Variants in CCDC88C observed in about 807,000 individuals in gnomAD.
CCDC88C encodes the protein coiled-coil and HOOK domain protein 88C.
A neutral mutation model predicts 198.8 loss-of-function variants in CCDC88C; 131 were observed. The ratio of observed to expected loss-of-function variants is 0.66; its 90% CI spans 0.57 to 0.76. The LOEUF (loss-of-function observed/expected upper bound fraction) is 0.76. CCDC88C is among the 30% of genes least tolerant of loss of function. The probability of loss-of-function intolerance (pLI) is 0.00; values close to 1 mark genes in which losing one functional copy is unlikely to be tolerated. For missense variants in CCDC88C, 2,553 were observed against 2,631.6 expected (o/e 0.97, Z 0.65); for synonymous variants, 1,166 against 1,114.7 (o/e 1.05, Z -0.92).
At chr14:91,411,822 ACATGGTGG>A (rs1255231961) in intron 2 of CCDC88C, among the ~76,000 whole-genome samples, 1 of 151,996 alleles carries the variant, frequency 6.6e-6, no homozygotes, top group Non-Finnish European at 1.5e-5. Context: ...AATTAGCCAG[ACATGGTGG>A]CATGCGCCTG....
Position 91,339,681 on chromosome 14 carries a change from C to G in CCDC88C, c.624+203G>C, listed in dbSNP as rs370908920. On this transcript the variant is annotated intron_variant, in intron 7 of 29. Coordinates refer to ENST00000389857, the MANE Select transcript of CCDC88C (RefSeq NM_001080414.4). The surrounding 1 kb of genome is among the most constrained non-coding windows in gnomAD (Gnocchi z 5.8). ...TACGAAGGAGGAGGGCCCCAAGCTC[C>G]GCGTCCTGATTCCCTGTATCCTCCC... Among the ~76,000 whole-genome samples the G allele has an allele frequency of 6.6e-6, 1 of 152,178 alleles. No individual in the cohort carries two copies. Among genetic ancestry groups the G allele is most frequent in the Non-Finnish European group, 1.5e-5 (1 of 68,036 alleles).
chr14:91,326,601 G>A (rs1892595465), intron 10 of CCDC88C, among the ~76,000 whole-genome samples: 1 of 152,228 alleles, frequency 6.6e-6, no homozygotes, highest in African/African-American at 2.4e-5. Context: ...GCTGGGAATA[G>A]TGCCAAGGCT....
chr14:91,306,027 T>C, intron 18 of CCDC88C, 101 bp from the exon 19 acceptor site: 1 of 1,258,232 alleles, frequency 7.9e-7, no homozygotes, highest in Non-Finnish European at 1.1e-6. Flanking sequence ...GTTGATGTTT[T>C]GGGGGCCAAA....
Position 91,357,457 on chromosome 14 carries a change from C to T in CCDC88C, c.340+2185G>A, listed in dbSNP as rs1020488756. 3.9e-5 allele frequency among the ~76,000 whole-genome samples: 6 copies of T among 152,204 alleles called. No homozygotes were observed. The East Asian group carries it at 9.6e-4, about 24-fold the overall frequency. On this transcript the variant is annotated intron_variant, in intron 4 of 29. Coordinates refer to ENST00000389857, the MANE Select transcript of CCDC88C (RefSeq NM_001080414.4). ...TTGTAGAACTAGTGTCTCGCCAGCA[C>T]GCTCGGTCTTTCATTGCATTTGTAA...
chr14:91,391,776 C>T (rs1885520279), intron 3 of CCDC88C, among the ~76,000 whole-genome samples: 2 of 151,932 alleles, frequency 1.3e-5, no homozygotes, highest in African/African-American at 4.8e-5. Flanking sequence ...AAGACTCCGT[C>T]TCAAAAAGAA....
intron 10 of CCDC88C, among the ~76,000 whole-genome samples, chr14:91,332,241 GTCC>G (rs1164007676): frequency 6.6e-6 from 1 of 152,140 alleles, no homozygotes; most frequent in Non-Finnish European, 1.5e-5. Context: ...CTCTGCCTTT[GTCC>G]TCCTCCCACA....
chr14:91,311,063 C>T (rs927539698), intron 15 of CCDC88C, among the ~76,000 whole-genome samples: 2 of 152,202 alleles, frequency 1.3e-5, no homozygotes, highest in Non-Finnish European at 2.9e-5. Flanking sequence ...TTTCACCTGC[C>T]ATGGCAACCG....
intron 22 of CCDC88C, among the ~76,000 whole-genome samples, chr14:91,294,898 TCCAC>T (rs1193385442): frequency 2.0e-5 from 3 of 152,234 alleles, no homozygotes; most frequent in African/African-American, 7.2e-5. Flanking sequence ...CCTCAGGTGA[TCCAC>T]CCGCTTCAGC....
At chr14:91,326,201 CT>C (rs200507629) in intron 10 of CCDC88C, 145 bp from the exon 11 acceptor site, 4,034 of 553,156 alleles carry the variant, frequency 7.3e-3, no homozygotes, top group South Asian at 9.8e-3. Flanking sequence ...TTTTCCTCTA[CT>C]TTTTTTTTTA....
chr14:91,386,206 G>T (rs1052301439), intron 3 of CCDC88C, among the ~76,000 whole-genome samples: 6 of 151,856 alleles, frequency 4.0e-5, no homozygotes, highest in Non-Finnish European at 8.8e-5. Context: ...CACTTTGGGA[G>T]GCCGAGGTGG....
intron 4 of CCDC88C, among the ~76,000 whole-genome samples, chr14:91,345,193 T>A (rs1309596582): frequency 0.034 from 3,958 of 116,692 alleles, 39 homozygotes; most frequent in Non-Finnish European, 0.052. Context: ...TATATATATT[T>A]TTTTTTTTTT....
chr14:91,334,907 A>G (rs1310566981), intron 10 of CCDC88C, among the ~76,000 whole-genome samples: 1 of 152,104 alleles, frequency 6.6e-6, no homozygotes, highest in Non-Finnish European at 1.5e-5. Flanking sequence ...TTCTAAGTTA[A>G]GTCCAACACA....
Position 91,378,317 on chromosome 14 carries a change from A to AC in CCDC88C, c.271-18607dup, listed in dbSNP as rs574004999. On this transcript the variant is annotated intron_variant, in intron 3 of 29. Transcript: ENST00000389857. ...AAGAGTAACTGGAAAAGCAGACTCC[A>AC]CCCCCTCCCCCAGTGAACGCCAGGC... 1.7e-4 allele frequency among the ~76,000 whole-genome samples: 26 copies of AC among 151,934 alleles called. No homozygotes were observed. The East Asian group carries it at 5.0e-3, about 29-fold the overall frequency.
At chr14:91,356,288 C>T (rs1326865043) in intron 4 of CCDC88C, among the ~76,000 whole-genome samples, 3 of 152,188 alleles carry the variant, frequency 2.0e-5, no homozygotes, top group South Asian at 4.1e-4. Context: ...CCTACTCATC[C>T]GTGCACCCAG....
At chr14:91,322,108 C>T (rs374708172) in intron 12 of CCDC88C, among the ~76,000 whole-genome samples, 19 of 152,172 alleles carry the variant, frequency 1.2e-4, no homozygotes, top group Non-Finnish European at 2.4e-4. Context: ...GAAAGGAGCC[C>T]GGTTCTTCCC....
At chr14:91,389,550 T>C (rs1885357779) in intron 3 of CCDC88C, among the ~76,000 whole-genome samples, 1 of 152,044 alleles carries the variant, frequency 6.6e-6, no homozygotes. Context: ...AGGAATTGCT[T>C]TGATGTGGAA....
Position 91,284,635 on chromosome 14 carries a change from G to A in CCDC88C, c.4442-1118C>T, listed in dbSNP as rs1290376407. Among the ~76,000 whole-genome samples the A allele has an allele frequency of 6.6e-6, 1 of 152,192 alleles. No homozygotes were observed. Among genetic ancestry groups the A allele is most frequent in the Non-Finnish European group, 1.5e-5 (1 of 68,042 alleles). On this transcript the variant is annotated intron_variant, in intron 25 of 29. Transcript: ENST00000389857. The surrounding 1 kb of genome is among the most constrained non-coding windows in gnomAD (Gnocchi z 4.1). ...GAGGACCCGGCACCACGGCAGCCCAGGGTTCCCAGAGCGAGGCTCATGAGA... is the reference window on the plus strand; with the variant it reads ...GAGGACCCGGCACCACGGCAGCCCAAGGTTCCCAGAGCGAGGCTCATGAGA...
chr14:91,312,902 G>A (rs565164462), intron 15 of CCDC88C, among the ~76,000 whole-genome samples, 178 bp downstream of exon 15: 1 of 152,346 alleles, frequency 6.6e-6, no homozygotes, highest in African/African-American at 2.4e-5. Flanking sequence ...TCTCTGGGTT[G>A]TAAGATTGTA....
chr14:91,364,383 T>C (rs998974080), intron 3 of CCDC88C, among the ~76,000 whole-genome samples: 1 of 152,240 alleles, frequency 6.6e-6, no homozygotes. Context: ...CATCCTGGAA[T>C]GACTCCTCGG....
Sources: allele counts gnomAD v4.1 joint callset (sites outside exome capture counted in the v4.1 genomes callset), GRCh38; gene constraint gnomAD v4.1.1; non-coding constraint Gnocchi (gnomAD v3.1); transcripts MANE v1.5; gene names NCBI Gene and HGNC (gene_info 2026-07-23, HGNC 2026-07-21).